RBMS3: variants seen among roughly 807,000 people sequenced by gnomAD.
The protein encoded by RBMS3 is RNA-binding motif, single-stranded-interacting protein 3.
RBMS3 carries 27 observed loss-of-function variants against 66.8 expected under a neutral mutation model. The observed-to-expected ratio is 0.40, with a 90% CI of 0.30 to 0.56. The LOEUF is 0.56. RBMS3 is among the 20% of genes least tolerant of loss of function. RBMS3 has a pLI of 0.40. For missense variants in RBMS3, 513 were observed against 549.5 expected, an observed-to-expected ratio of 0.93 and a Z score of 0.66; for synonymous variants, 188 against 183.0, an observed-to-expected ratio of 1.03 and a Z score of -0.22.
intron 2 of RBMS3, among the ~76,000 whole-genome samples, chr3:29,487,780 T>G (rs2043377189): frequency 6.6e-6 from 1 of 152,126 alleles, no homozygotes. Flanking sequence ...AATCATTATT[T>G]AAATAAATGT....
chr3:29,843,725 G>C (rs945600977), intron 6 of RBMS3, among the ~76,000 whole-genome samples: 8 of 152,106 alleles, frequency 5.3e-5, no homozygotes, highest in Non-Finnish European at 1.2e-4. Flanking sequence ...GAGGCCAGGA[G>C]GGGTAGATAG....
At chr3:29,625,332 C>A (rs546876195) in intron 4 of RBMS3, among the ~76,000 whole-genome samples, 1 of 152,178 alleles carries the variant, frequency 6.6e-6, no homozygotes, top group Admixed American at 6.5e-5. Flanking sequence ...TTGTAACAGA[C>A]CACATAGAAC....
Position 29,296,364 on chromosome 3 carries a change from A to T in RBMS3, c.75+14608A>T, listed in dbSNP as rs372583381. On this transcript the variant is annotated intron_variant, in intron 1 of 14. Transcript: ENST00000383767. ...TCAGAATTTTTATTTTTACATTATT[A>T]TCTTGGGAATGTGTACAACTGTATT... is the stretch of plus-strand genomic sequence containing the variant. Among the ~76,000 whole-genome samples the T allele has an allele frequency of 2.6e-3, 397 of 151,862 alleles. 3 individuals carry two copies. The highest frequency in any genetic ancestry group is 8.8e-3 in the African/African-American group (366 of 41,494).
At chr3:29,518,269 G>C (rs2044719122) in intron 3 of RBMS3, among the ~76,000 whole-genome samples, 1 of 152,154 alleles carries the variant, frequency 6.6e-6, no homozygotes, top group Admixed American at 6.5e-5. Flanking sequence ...CCCTCCTTCT[G>C]TGGGCCTATA....
At chr3:29,826,425 C>T (rs1365030241) in intron 6 of RBMS3, among the ~76,000 whole-genome samples, 5 of 152,182 alleles carry the variant, frequency 3.3e-5, no homozygotes, top group Middle Eastern at 3.4e-3. Flanking sequence ...TTCTTATCGC[C>T]ATCTATTAGG....
At chr3:29,673,554 A>C (rs1473415717) in intron 4 of RBMS3, among the ~76,000 whole-genome samples, 2 of 152,146 alleles carry the variant, frequency 1.3e-5, no homozygotes, top group African/African-American at 4.8e-5. Context: ...AGACGCAATA[A>C]AAAATAATAA....
intron 1 of RBMS3, among the ~76,000 whole-genome samples, chr3:29,305,987 G>A (rs1337096777): frequency 1.3e-5 from 2 of 151,938 alleles, no homozygotes. Context: ...GGGAGCATTC[G>A]TTACTTGTTC....
At chr3:29,481,363 A>G (rs1385280185) in intron 2 of RBMS3, among the ~76,000 whole-genome samples, 1 of 152,190 alleles carries the variant, frequency 6.6e-6, no homozygotes, top group Admixed American at 6.5e-5. Flanking sequence ...GTTAGGTTCT[A>G]GAAGGCAAAT....
At chr3:29,822,908 T>A (rs974243600) in intron 6 of RBMS3, among the ~76,000 whole-genome samples, 1 of 152,150 alleles carries the variant, frequency 6.6e-6, no homozygotes. Context: ...ATAAGCACAT[T>A]GCACATTCTA....
At chr3:29,893,646 A>T (rs1257915151) in intron 8 of RBMS3, among the ~76,000 whole-genome samples, 1 of 151,524 alleles carries the variant, frequency 6.6e-6, no homozygotes, top group Admixed American at 6.6e-5. Flanking sequence ...TAAGACCTAG[A>T]AGGAATTTTC....
At chr3:29,398,424 C>G (rs1463294303) in intron 1 of RBMS3, among the ~76,000 whole-genome samples, 1 of 152,150 alleles carries the variant, frequency 6.6e-6, no homozygotes, top group Non-Finnish European at 1.5e-5. Flanking sequence ...AGGAAGGTCT[C>G]AAGGACAAGT....
At chr3:29,337,588 G>A (rs1256560446) in intron 1 of RBMS3, among the ~76,000 whole-genome samples, 1 of 152,056 alleles carries the variant, frequency 6.6e-6, no homozygotes, top group South Asian at 2.1e-4. Flanking sequence ...TGAGGGAACT[G>A]TGGGCTATGA....
chr3:29,654,581 A>G (rs1237204169), intron 4 of RBMS3, among the ~76,000 whole-genome samples: 3 of 132,044 alleles, frequency 2.3e-5, no homozygotes, highest in Non-Finnish European at 4.8e-5. Context: ...TGTATTGGGC[A>G]TGTATTTGAC....
intron 10 of RBMS3, chr3:29,933,751 T>A (rs1194112072): frequency 1.3e-5 from 2 of 152,176 alleles, no homozygotes; most frequent in Admixed American, 1.3e-4. Flanking sequence ...TGCCTAGTGT[T>A]GCTATTTACA....
intron 5 of RBMS3, among the ~76,000 whole-genome samples, chr3:29,759,692 A>G (rs571077851): frequency 7.0e-6 from 1 of 141,880 alleles, no homozygotes; most frequent in East Asian, 2.0e-4. Context: ...TAAGATGGCT[A>G]TTCAAATATA....
intron 3 of RBMS3, among the ~76,000 whole-genome samples, chr3:29,517,903 A>G (rs1559430821): frequency 6.6e-6 from 1 of 152,168 alleles, no homozygotes. Flanking sequence ...TGAATTTTCT[A>G]TTTTATTTCC....
Position 30,003,982 on chromosome 3 carries a change from GTTT to G in RBMS3, c.*128_*130del, listed in dbSNP as rs950194809. The G allele has an allele frequency of 2.7e-6, 2 of 730,122 alleles. No homozygotes were observed. The highest frequency in any genetic ancestry group is 1.9e-5 in the African/African-American group (1 of 52,534). 45.2% of individuals were successfully genotyped at this position (730,122 alleles called of 1,614,324 possible). ...AATGCATTTTTTTGTTGTTGTTGTT[GTTT>G]TTTTTTTAGTGTTATACCTTACCCA... On this transcript the variant is annotated 3_prime_UTR_variant, in exon 15 of 15. Transcript: ENST00000383767.
chr3:29,953,813 G>C (rs1695847073), intron 12 of RBMS3, among the ~76,000 whole-genome samples: 1 of 151,746 alleles, frequency 6.6e-6, no homozygotes, highest in South Asian at 2.1e-4. Flanking sequence ...ACCTTTTTAA[G>C]TTCCAAACAC....
intron 3 of RBMS3, among the ~76,000 whole-genome samples, chr3:29,495,081 C>G (rs1559410262): frequency 6.8e-6 from 1 of 147,646 alleles, no homozygotes; most frequent in Non-Finnish European, 1.5e-5. Flanking sequence ...TGAAATCATC[C>G]ATGAAGGATA....
Sources: gnomAD v4.1 joint callset for allele counts (sites outside exome capture counted in the v4.1 genomes callset) on GRCh38, gnomAD v4.1.1 for gene constraint, MANE v1.5 for transcripts, NCBI Gene and HGNC (gene_info 2026-07-23, HGNC 2026-07-21) for gene names.